CACNG3: variants seen among roughly 807,000 people sequenced by gnomAD.
CACNG3 encodes the protein voltage-dependent calcium channel gamma-3 subunit.
Under a neutral mutation model 28.5 loss-of-function variants are expected in CACNG3, and 3 were observed. That is an observed-to-expected ratio of 0.11 (90% CI 0.05 to 0.27). The LOEUF is 0.27. Among genes scored for constraint, CACNG3 ranks in the 10% least tolerant of loss-of-function variants. The pLI, the probability that CACNG3 is intolerant of heterozygous loss-of-function variation, is 1.00. For missense variants in CACNG3, 236 were observed against 414.4 expected, an observed-to-expected ratio of 0.57 and a Z score of 3.74; for synonymous variants, 174 against 162.2, an observed-to-expected ratio of 1.07 and a Z score of -0.55.
intron 1 of CACNG3, among the ~76,000 whole-genome samples, chr16:24,340,586 T>C (rs902472985): frequency 1.3e-5 from 2 of 152,154 alleles, no homozygotes; most frequent in Admixed American, 1.3e-4. Context: ...GAGTATCCGC[T>C]TAAGGACAGC....
Position 24,359,731 on chromosome 16 carries a change from C to A in CACNG3, c.437-1621C>A, listed in dbSNP as rs377343301. 7.2e-4 allele frequency among the ~76,000 whole-genome samples: 109 copies of A among 152,158 alleles called. 1 individual carries two copies. The South Asian group carries it at 0.022, about 31-fold the overall frequency. The stretch of plus-strand genomic sequence containing the variant: ...AAATTAACTTAGCTGTGCTTGGTAG[C>A]ACATACCTGTAGTCCCAGCTATTCA... On this transcript the variant is annotated intron_variant, in intron 3 of 3. Transcript: ENST00000005284.
intron 1 of CACNG3, among the ~76,000 whole-genome samples, chr16:24,275,264 T>C (rs1371567448): frequency 2.0e-5 from 3 of 152,116 alleles, no homozygotes; most frequent in African/African-American, 7.2e-5. Flanking sequence ...AAAACAATGG[T>C]AGGTAAAACT....
At chr16:24,265,339 AGAAAGAAAAAG>A (rs1302380021) in intron 1 of CACNG3, among the ~76,000 whole-genome samples, 17 of 133,062 alleles carry the variant, frequency 1.3e-4, no homozygotes, top group African/African-American at 3.7e-4. Context: ...AAAGAAGGAA[AGAAAGAAAAAG>A]GAAAGAAAGA....
intron 1 of CACNG3, among the ~76,000 whole-genome samples, chr16:24,266,893 G>GGA (rs916566443): frequency 6.6e-6 from 1 of 152,066 alleles, no homozygotes; most frequent in Non-Finnish European, 1.5e-5. Context: ...CAAGGAAGCT[G>GGA]GAGAGAGAGA....
chr16:24,267,157 G>T (rs913272350), intron 1 of CACNG3, among the ~76,000 whole-genome samples: 3 of 151,796 alleles, frequency 2.0e-5, no homozygotes, highest in African/African-American at 7.3e-5. Context: ...TAGTAAAGAC[G>T]GGGTTTCACC....
chr16:24,354,384 G>A (rs1369740141), intron 2 of CACNG3, among the ~76,000 whole-genome samples: 2 of 152,036 alleles, frequency 1.3e-5, no homozygotes, highest in East Asian at 1.9e-4. Context: ...CCTTGTGTCC[G>A]TGCCTGGGCT....
At chr16:24,295,255 T>G (rs962682847) in intron 1 of CACNG3, among the ~76,000 whole-genome samples, 4 of 152,130 alleles carry the variant, frequency 2.6e-5, no homozygotes, top group Non-Finnish European at 1.5e-5. Context: ...AGCTATGGTA[T>G]GTCAAAACTA....
At chr16:24,270,898 G>A (rs1411634452) in intron 1 of CACNG3, among the ~76,000 whole-genome samples, 2 of 152,216 alleles carry the variant, frequency 1.3e-5, no homozygotes, top group Admixed American at 6.5e-5. Flanking sequence ...CTCACTGGGG[G>A]ATGGGCATTC....
chr16:24,350,134 G>A (rs907571950), intron 2 of CACNG3, among the ~76,000 whole-genome samples: 7 of 152,184 alleles, frequency 4.6e-5, no homozygotes, highest in Admixed American at 1.3e-4. Context: ...GGCTTCCACT[G>A]ACTTAGCAGA....
chr16:24,305,299 T>C (rs924749862), intron 1 of CACNG3, among the ~76,000 whole-genome samples: 11 of 150,916 alleles, frequency 7.3e-5, no homozygotes, highest in Non-Finnish European at 1.3e-4. Flanking sequence ...TATATATATA[T>C]ACAAACTTAT....
intron 1 of CACNG3, among the ~76,000 whole-genome samples, chr16:24,327,267 A>G (rs1199775434): frequency 6.6e-6 from 1 of 151,086 alleles, no homozygotes; most frequent in East Asian, 2.0e-4. Context: ...CTTAAAGGAC[A>G]GTTCATCCAG....
chr16:24,312,947 GAAAGAAAGAGAAAGAAAGAAA>G (rs1460442731), intron 1 of CACNG3, among the ~76,000 whole-genome samples: 2 of 104,884 alleles, frequency 1.9e-5, no homozygotes, highest in Admixed American at 9.8e-5. Context: ...AAGAAAGAAA[GAAAGAAAGAGAAAGAAAGAAA>G]AGAAAGAAAG....
At chr16:24,347,393 G>A (rs1307943076) in intron 2 of CACNG3, among the ~76,000 whole-genome samples, 1 of 152,042 alleles carries the variant, frequency 6.6e-6, no homozygotes. Context: ...GAGGAAGGAA[G>A]GAAGGCAGGA....
At chr16:24,320,518 A>C (rs1899441513) in intron 1 of CACNG3, among the ~76,000 whole-genome samples, 1 of 152,070 alleles carries the variant, frequency 6.6e-6, no homozygotes, top group Non-Finnish European at 1.5e-5. Flanking sequence ...TGGATAAGGG[A>C]TTGTGGACCT....
At chr16:24,265,205 G>C (rs111822669) in intron 1 of CACNG3, among the ~76,000 whole-genome samples, 376 of 151,790 alleles carry the variant, frequency 2.5e-3, no homozygotes, top group African/African-American at 8.8e-3. Flanking sequence ...TCATGCCACT[G>C]CACTCTAGCC....
chr16:24,259,515 G>A (rs371113757), intron 1 of CACNG3, among the ~76,000 whole-genome samples: 1 of 152,104 alleles, frequency 6.6e-6, no homozygotes, highest in Non-Finnish European at 1.5e-5. Context: ...ATGAAAACTG[G>A]GGGTTTTCGT....
intron 1 of CACNG3, among the ~76,000 whole-genome samples, chr16:24,314,511 C>T (rs761628954): frequency 1.4e-4 from 21 of 152,144 alleles, no homozygotes; most frequent in Non-Finnish European, 1.9e-4. Flanking sequence ...GCCTTGTGCT[C>T]GTGGATGAAT....
intron 1 of CACNG3, among the ~76,000 whole-genome samples, chr16:24,270,435 A>C (rs1898671626): frequency 6.6e-6 from 1 of 152,248 alleles, no homozygotes; most frequent in Admixed American, 6.5e-5. Context: ...AGGCAATCAA[A>C]ATGCTCTGGG....
intron 1 of CACNG3, among the ~76,000 whole-genome samples, chr16:24,298,834 T>A (rs917472325): frequency 1.3e-5 from 2 of 152,226 alleles, no homozygotes; most frequent in African/African-American, 4.8e-5. Flanking sequence ...AGCTAGTTAT[T>A]CTGTGGAATA....
Sources: allele counts gnomAD v4.1 joint callset (sites outside exome capture counted in the v4.1 genomes callset), GRCh38; gene constraint gnomAD v4.1.1; transcripts MANE v1.5; gene names NCBI Gene and HGNC (gene_info 2026-07-23, HGNC 2026-07-21).